The following TTC28 variants were observed in gnomAD, a reference collection of about 807,000 sequenced individuals.
TTC28 encodes the protein tetratricopeptide repeat domain 28, also known as tetratricopeptide repeat protein 28.
A neutral mutation model predicts 198.0 loss-of-function variants in TTC28; 61 were observed. The ratio of observed to expected loss-of-function variants is 0.31; its 90% CI spans 0.25 to 0.38. The LOEUF (loss-of-function observed/expected upper bound fraction) is 0.38. Ranked by LOEUF, TTC28 falls within the 10% of genes least tolerant of loss-of-function variation. The probability of loss-of-function intolerance (pLI) is 1.00; values close to 1 mark genes in which losing one functional copy is unlikely to be tolerated. For synonymous variants in TTC28, 1,171 were observed against 1,297.8 expected (o/e 0.90, Z 2.10); for missense variants, 2,678 against 3,164.0 (o/e 0.85, Z 3.69).
At chr22:28,011,845 A>T (rs531704402) in intron 14 of TTC28, among the ~76,000 whole-genome samples, 3 of 152,304 alleles carry the variant, frequency 2.0e-5, no homozygotes, top group African/African-American at 7.2e-5. Flanking sequence ...CCTGAGCCTC[A>T]TGGGGGCAGA....
Position 28,107,934 on chromosome 22 carries a change from G to T in TTC28, c.1911C>A (p.Cys637Ter). The change falls in exon 7 of 23, where the codon TGC (cysteine) becomes TGA (stop). Residue 637 changes from cysteine (C) to a stop codon, truncating the protein, a stop_gained. Coordinates refer to ENST00000397906, the MANE Select transcript of TTC28 (RefSeq NM_001145418.2). LOFTEE classifies it high-confidence loss of function. Reference protein sequence around the residue: ...LQDMEGEGKVCHNLGYAHYCL... With the variant: ...LQDMEGEGKV ...AGTAATGGGCATAGCCAAGATTGTGGCAGACCTTCCCTTCTCCTTCCATGT... is the reference window on the plus strand; with the variant it reads ...AGTAATGGGCATAGCCAAGATTGTGTCAGACCTTCCCTTCTCCTTCCATGT... 1 of 1,551,708 alleles carries T rather than the reference G, an allele frequency of 6.4e-7. No individual in the cohort carries two copies. Among genetic ancestry groups the T allele is most frequent in the Non-Finnish European group, 8.7e-7 (1 of 1,147,008 alleles).
chr22:28,025,299 C>T lies in TTC28; in HGVS notation c.4073+4927G>A, dbSNP rs184758070. ...CTACTTACTACACAGCAGGATTGAT[C>T]TCGTCATCATTAACCTTATTGCATC... On this transcript the variant is annotated intron_variant, in intron 13 of 22. Transcript: ENST00000397906. Among the ~76,000 whole-genome samples the T allele has an allele frequency of 2.0e-5, 3 of 152,276 alleles. No individual in the cohort carries two copies. The East Asian group carries it at 5.8e-4, about 29-fold the overall frequency.
intron 6 of TTC28, among the ~76,000 whole-genome samples, chr22:28,109,374 T>C (rs945575913): frequency 6.6e-6 from 1 of 152,192 alleles, no homozygotes; most frequent in Non-Finnish European, 1.5e-5. Flanking sequence ...CCCGTGACAA[T>C]AACTAGGAAA....
At chr22:28,544,064 T>C (rs1177600680) in intron 2 of TTC28, among the ~76,000 whole-genome samples, 4 of 151,868 alleles carry the variant, frequency 2.6e-5, no homozygotes, top group Non-Finnish European at 5.9e-5. Context: ...CTATTAAAAA[T>C]ACAAAAATTA....
chr22:27,989,883 G>A lies in TTC28; in HGVS notation c.5702C>T (p.Ala1901Val). 2 of 1,550,622 alleles carry A rather than the reference G, an allele frequency of 1.3e-6. No individual in the cohort carries two copies. Among genetic ancestry groups the A allele is most frequent in the Non-Finnish European group, 1.7e-6 (2 of 1,146,332 alleles). Residue 1901 changes from alanine to valine, a missense_variant, in exon 21 of 23, where the codon GCT (alanine) becomes GTT (valine). Ala to Val is a moderately conservative substitution (Grantham distance 64, BLOSUM62 0). This residue lies in a region of TTC28 where 314 missense variants were observed against 442.7 expected (regional missense o/e 0.71). Transcript: ENST00000397906. The part of the protein sequence containing the change: ...RLPGCHEFLA[A>V]LGFDLCEVGQ... The stretch of plus-strand genomic sequence containing the variant: ...GTCAAGGATTCTCTGCCTACCTAGA[G>A]CTGCCAGGAACTCGTGGCATCCCGG...
chr22:28,061,940 T>C (rs1042803391), intron 12 of TTC28, among the ~76,000 whole-genome samples: 4 of 152,200 alleles, frequency 2.6e-5, no homozygotes, highest in Admixed American at 2.6e-4. Flanking sequence ...TCACATCCGT[T>C]GTAAGTTGGA....
chr22:28,246,904 A>G (rs901470207), intron 5 of TTC28, among the ~76,000 whole-genome samples: 1 of 152,190 alleles, frequency 6.6e-6, no homozygotes, highest in East Asian at 1.9e-4. Context: ...GGCTTTTTAA[A>G]GGAAGATCTA....
chr22:28,610,324 C>A (rs1022961404), intron 2 of TTC28, among the ~76,000 whole-genome samples: 1 of 152,154 alleles, frequency 6.6e-6, no homozygotes, highest in African/African-American at 2.4e-5. Context: ...CCAACAGACA[C>A]CTCATACAGG....
intron 2 of TTC28, among the ~76,000 whole-genome samples, chr22:28,423,820 G>T (rs2047303880): frequency 6.6e-6 from 1 of 152,204 alleles, no homozygotes; most frequent in Admixed American, 6.5e-5. Context: ...ATATGAGGTT[G>T]CTGGGGAGCC....
intron 2 of TTC28, among the ~76,000 whole-genome samples, chr22:28,590,838 G>A (rs755587516): frequency 3.0e-4 from 45 of 150,864 alleles, no homozygotes; most frequent in Middle Eastern, 3.4e-3. Flanking sequence ...GTGAACCCCC[G>A]TCTCTACCAA....
intron 2 of TTC28, among the ~76,000 whole-genome samples, chr22:28,478,867 C>T (rs1334338070): frequency 1.3e-5 from 2 of 152,190 alleles, no homozygotes; most frequent in African/African-American, 4.8e-5. Context: ...CAGACTCTCT[C>T]CCCAAGTCAC....
intron 5 of TTC28, among the ~76,000 whole-genome samples, chr22:28,237,736 A>G (rs1239696467): frequency 6.6e-6 from 1 of 152,158 alleles, no homozygotes; most frequent in Non-Finnish European, 1.5e-5. Flanking sequence ...TATAGAATCA[A>G]GTTTCTGGTA....
chr22:28,623,966 T>C (rs1480107904), intron 2 of TTC28, among the ~76,000 whole-genome samples: 2 of 152,068 alleles, frequency 1.3e-5, no homozygotes, highest in Non-Finnish European at 2.9e-5. Flanking sequence ...ATGGCCTATG[T>C]TCTCTTCTTA....
At chr22:28,088,331 C>T (rs1569131888) in intron 12 of TTC28, among the ~76,000 whole-genome samples, 1 of 152,114 alleles carries the variant, frequency 6.6e-6, no homozygotes, top group Non-Finnish European at 1.5e-5. Flanking sequence ...ATCAATGGAA[C>T]AGAACAGAGC....
chr22:28,147,986 A>G (rs1193472414), intron 6 of TTC28, among the ~76,000 whole-genome samples: 1 of 152,238 alleles, frequency 6.6e-6, no homozygotes, highest in Non-Finnish European at 1.5e-5. Flanking sequence ...AAGAAGAAAC[A>G]GTGTGATATC....
intron 2 of TTC28, among the ~76,000 whole-genome samples, chr22:28,320,989 A>C (rs1382847636): frequency 6.6e-6 from 1 of 152,214 alleles, no homozygotes; most frequent in African/African-American, 2.4e-5. Context: ...CTGATTCTCA[A>C]GGTTTTATTT....
At chr22:28,456,158 C>T (rs954225309) in intron 2 of TTC28, among the ~76,000 whole-genome samples, 1 of 116,630 alleles carries the variant, frequency 8.6e-6, no homozygotes, top group African/African-American at 3.2e-5. Flanking sequence ...GACTCTGTCT[C>T]AGAAAAAAAA....
At chr22:28,060,386 G>C (rs1303265603) in intron 12 of TTC28, among the ~76,000 whole-genome samples, 2 of 152,116 alleles carry the variant, frequency 1.3e-5, no homozygotes, top group Non-Finnish European at 2.9e-5. Flanking sequence ...TCAGAACGAT[G>C]GTTTCCAGCT....
chr22:28,227,142 A>C (rs1226962282), intron 5 of TTC28, among the ~76,000 whole-genome samples: 1 of 152,082 alleles, frequency 6.6e-6, no homozygotes, highest in African/African-American at 2.4e-5. Context: ...TATATTGCCC[A>C]GGCTGATCTC....
Sources: allele counts gnomAD v4.1 joint callset (sites outside exome capture counted in the v4.1 genomes callset), GRCh38; gene constraint gnomAD v4.1.1; regional missense constraint gnomAD v4.1.1; transcripts MANE v1.5; gene names NCBI Gene and HGNC (gene_info 2026-07-23, HGNC 2026-07-21).